Variants in DPP10 observed in about 807,000 individuals in gnomAD.
The protein encoded by DPP10 is dipeptidyl peptidase like 10, also known as inactive dipeptidyl peptidase 10.
DPP10 carries 33 observed loss-of-function variants against 120.9 expected under a neutral mutation model. That is an observed-to-expected ratio of 0.27 (90% CI 0.21 to 0.37). The LOEUF is 0.37. Among genes scored for constraint, DPP10 ranks in the 10% least tolerant of loss-of-function variants. DPP10 has a pLI of 1.00. For synonymous variants in DPP10, 337 were observed against 326.1 expected (o/e 1.03, Z -0.36); for missense variants, 816 against 942.8 (o/e 0.87, Z 1.76).
chr2:115,036,990 A>C (rs1258777185), intron 1 of DPP10, among the ~76,000 whole-genome samples: 1 of 152,134 alleles, frequency 6.6e-6, no homozygotes, highest in Non-Finnish European at 1.5e-5. Flanking sequence ...GAGGGAGAGA[A>C]GTAATGGGAG....
chr2:115,375,972 G>A (rs760978507), intron 3 of DPP10, among the ~76,000 whole-genome samples: 11 of 152,150 alleles, frequency 7.2e-5, no homozygotes, highest in Admixed American at 2.0e-4. Context: ...CATGTCACTA[G>A]TAGTGCTTGG....
intron 1 of DPP10, among the ~76,000 whole-genome samples, chr2:114,624,606 A>G (rs1438559999): frequency 6.6e-6 from 1 of 151,928 alleles, no homozygotes; most frequent in Non-Finnish European, 1.5e-5. Flanking sequence ...TTAGACTCCC[A>G]TCATGTGGCA....
intron 1 of DPP10, among the ~76,000 whole-genome samples, chr2:114,687,108 A>G (rs1306460356): frequency 3.3e-5 from 5 of 152,006 alleles, no homozygotes; most frequent in African/African-American, 1.2e-4. Flanking sequence ...GAATCCCCAT[A>G]TATCTGTTAC....
At chr2:114,647,068 T>C (rs75219990) in intron 1 of DPP10, among the ~76,000 whole-genome samples, 4,031 of 152,300 alleles carry the variant, frequency 0.026, 59 homozygotes, top group Non-Finnish European at 0.041. Context: ...AACATCATCT[T>C]TCAATTAGCC....
chr2:115,816,726 C>T (rs1297467077), intron 21 of DPP10, among the ~76,000 whole-genome samples: 1 of 150,160 alleles, frequency 6.7e-6, no homozygotes, highest in African/African-American at 2.4e-5. Context: ...AAGCGATTCT[C>T]CTGCATCAGC....
intron 1 of DPP10, among the ~76,000 whole-genome samples, chr2:115,153,572 G>A (rs1397360369): frequency 1.3e-5 from 2 of 152,126 alleles, no homozygotes; most frequent in African/African-American, 4.8e-5. Flanking sequence ...TAGAAGTGGT[G>A]TAAATGTTGT....
At chr2:114,964,255 CTTCTT>C (rs1558930377) in intron 1 of DPP10, among the ~76,000 whole-genome samples, 1 of 152,042 alleles carries the variant, frequency 6.6e-6, no homozygotes, top group Non-Finnish European at 1.5e-5. Flanking sequence ...TCCTTCCTTT[CTTCTT>C]TTCTTACATT....
At chr2:115,135,158 G>A (rs2050587229) in intron 1 of DPP10, among the ~76,000 whole-genome samples, 1 of 151,710 alleles carries the variant, frequency 6.6e-6, no homozygotes, top group Admixed American at 6.6e-5. Context: ...GTTGAACACC[G>A]TCATGTACGT....
chr2:114,506,173 T>C (rs2104548264), intron 1 of DPP10, among the ~76,000 whole-genome samples: 1 of 152,250 alleles, frequency 6.6e-6, no homozygotes, highest in South Asian at 2.1e-4. Context: ...CCATGGCCTG[T>C]CCCACTCCCA....
intron 1 of DPP10, among the ~76,000 whole-genome samples, chr2:115,293,829 A>C (rs1471773626): frequency 5.9e-5 from 9 of 152,202 alleles, no homozygotes; most frequent in Admixed American, 2.6e-4. Context: ...CTGAATCAAC[A>C]TGGACATCAG....
intron 1 of DPP10, among the ~76,000 whole-genome samples, chr2:114,922,022 G>A (rs1695232502): frequency 6.6e-6 from 1 of 152,146 alleles, no homozygotes; most frequent in African/African-American, 2.4e-5. Context: ...AATCATATTA[G>A]CTGAAGAGTG....
chr2:114,709,255 C>T (rs1558659169), intron 1 of DPP10, among the ~76,000 whole-genome samples: 1 of 152,134 alleles, frequency 6.6e-6, no homozygotes, highest in Non-Finnish European at 1.5e-5. Flanking sequence ...TACAGTGCTA[C>T]ATCTCTTCCG....
In DPP10 at chr2:115,655,034, T is replaced by C. The variant is rs1048123832; in HGVS notation, c.442-34653T>C. Among the ~76,000 whole-genome samples the C allele has an allele frequency of 2.6e-5, 4 of 151,770 alleles. 1 individual carries two copies. Among genetic ancestry groups the C allele is most frequent in the Admixed American group, 2.6e-4 (4 of 15,192 alleles). On this transcript the variant is annotated intron_variant, in intron 5 of 25. Coordinates refer to ENST00000410059, the MANE Select transcript of DPP10 (RefSeq NM_020868.6). ...TCTTTTTGGATGCTTTTAAAAATTA[T>C]TCCTCTAAGTGTATACTTGGAAAAA...
At chr2:115,223,466 A>G (rs1250118100) in intron 1 of DPP10, among the ~76,000 whole-genome samples, 4 of 152,166 alleles carry the variant, frequency 2.6e-5, no homozygotes, top group Non-Finnish European at 5.9e-5. Context: ...TTCTAGGTAC[A>G]TACTGTAAAG....
intron 1 of DPP10, among the ~76,000 whole-genome samples, chr2:114,599,762 T>C (rs1334626765): frequency 1.3e-5 from 2 of 151,822 alleles, no homozygotes; most frequent in African/African-American, 2.4e-5. Context: ...TAGTTCCTTA[T>C]GTATTATTTT....
intron 1 of DPP10, among the ~76,000 whole-genome samples, chr2:114,939,002 G>A (rs1163969044): frequency 6.6e-6 from 1 of 151,816 alleles, no homozygotes; most frequent in East Asian, 1.9e-4. Flanking sequence ...CACTTCATAT[G>A]TATATTTCCC....
At chr2:114,955,063 T>A (rs1698098323) in intron 1 of DPP10, among the ~76,000 whole-genome samples, 1 of 152,168 alleles carries the variant, frequency 6.6e-6, no homozygotes, top group African/African-American at 2.4e-5. Flanking sequence ...GGACCTTGCA[T>A]AAGAAAGAAT....
intron 5 of DPP10, among the ~76,000 whole-genome samples, chr2:115,665,905 T>G (rs1340723949): frequency 6.6e-6 from 1 of 152,056 alleles, no homozygotes; most frequent in East Asian, 1.9e-4. Context: ...TATAAATTGT[T>G]TATTTTAGGT....
At chr2:114,557,934 C>T (rs1414962853) in intron 1 of DPP10, among the ~76,000 whole-genome samples, 1 of 152,076 alleles carries the variant, frequency 6.6e-6, no homozygotes, top group Non-Finnish European at 1.5e-5. Context: ...AATTCTTTTT[C>T]CAAATGTTCA....
Sources: gnomAD v4.1 joint callset for allele counts (sites outside exome capture counted in the v4.1 genomes callset) on GRCh38, gnomAD v4.1.1 for gene constraint, MANE v1.5 for transcripts, NCBI Gene and HGNC (gene_info 2026-07-23, HGNC 2026-07-21) for gene names.